MAP7D2: variants seen among roughly 807,000 people sequenced by gnomAD.
MAP7D2 encodes the protein MAP7 domain-containing protein 2.
Under a neutral mutation model 63.5 loss-of-function variants are expected in MAP7D2, and 33 were observed. The observed-to-expected ratio is 0.52, with a 90% CI of 0.39 to 0.70. The LOEUF (loss-of-function observed/expected upper bound fraction) is 0.70, where lower values mean the gene tolerates loss of function less well. Among genes scored for constraint, MAP7D2 ranks in the 30% least tolerant of loss-of-function variants. The pLI is 0.00. For synonymous variants in MAP7D2, 224 were observed against 223.7 expected, an observed-to-expected ratio of 1.00 and a Z score of -0.01; for missense variants, 626 against 604.0, an observed-to-expected ratio of 1.04 and a Z score of -0.38.
At chrX:20,081,640 G>A (rs1285354612) in intron 1 of MAP7D2, among the ~76,000 whole-genome samples, 2 of 109,539 alleles carry the variant, frequency 1.8e-5, no homozygotes, top group Admixed American at 9.8e-5. Context: ...CCATCTCACT[G>A]GGCATCAGAT....
At chrX:20,022,587 G>T (rs1053211950) in intron 10 of MAP7D2, among the ~76,000 whole-genome samples, 5 of 111,000 alleles carry the variant, frequency 4.5e-5, no homozygotes, top group African/African-American at 1.6e-4. Flanking sequence ...AGATGCCAAT[G>T]TGACAGCTGA....
intron 3 of MAP7D2, among the ~76,000 whole-genome samples, chrX:20,058,461 A>G (rs1004030933): frequency 3.6e-5 from 4 of 112,128 alleles, no homozygotes; most frequent in Admixed American, 9.4e-5. Context: ...TAGGGGACCA[A>G]TGAAAAGAAA....
chrX:20,034,130 C>T (rs1230225981), intron 8 of MAP7D2, among the ~76,000 whole-genome samples: 1 of 96,211 alleles, frequency 1.0e-5, no homozygotes, highest in Non-Finnish European at 2.0e-5. Context: ...GAGGCTGAGG[C>T]AGGAAAATTG....
chrX:20,018,440 CTT>C (rs757792186), intron 10 of MAP7D2, among the ~76,000 whole-genome samples: 41 of 77,386 alleles, frequency 5.3e-4, no homozygotes, highest in African/African-American at 1.4e-3. Flanking sequence ...AAATCTTGTC[CTT>C]TTTTTTTTTT....
At position 20,046,682 on chromosome X, in the gene MAP7D2, T is replaced by G. The variant is rs146886168; in HGVS notation, c.719-2158A>C. 6.7e-3 allele frequency among the ~76,000 whole-genome samples: 760 copies of G among 112,795 alleles called. 1 individual carries two copies. The highest frequency in any genetic ancestry group is 0.012 in the Non-Finnish European group (646 of 53,346). On this transcript the variant is annotated intron_variant, in intron 6 of 16. Coordinates refer to ENST00000379643, the MANE Select transcript of MAP7D2 (RefSeq NM_001168465.2). ...GGGCTCAGAGGTGATACAAACCTAC[T>G]TTAAAATGTTTCGAAAACTTAGGAT...
Position 20,022,914 on chromosome X carries a change from A to G in MAP7D2, c.1412+2037T>C, listed in dbSNP as rs138207085. Among the ~76,000 whole-genome samples, 169 of 112,132 alleles carry G rather than the reference A, an allele frequency of 1.5e-3. 1 individual carries two copies. The highest frequency in any genetic ancestry group is 5.1e-3 in the African/African-American group (158 of 30,889). ...GCTGCCCAATGTGGTGTGGATCCAC[A>G]TCTACTCAGATGCAGCTCTTGAGCA... On this transcript the variant is annotated intron_variant, in intron 10 of 16. Coordinates refer to ENST00000379643, the MANE Select transcript of MAP7D2 (RefSeq NM_001168465.2).
intron 5 of MAP7D2, 99 bp downstream of exon 5, chrX:20,052,779 G>T: frequency 1.5e-6 from 1 of 650,184 alleles, no homozygotes; most frequent in Non-Finnish European, 2.5e-6. Context: ...GACGGTATCT[G>T]CAGAAGGCTC....
In MAP7D2 at chrX:20,116,833, C is replaced by T; in HGVS notation, c.47G>A (p.Gly16Glu). ...TGGGAGAGAGGTTCCCCGCGCAGTC[C>T]CCTCAGGCCGGGATCCCGTCCCGGA... ...GGSGTGSRPE[G>E]TARGTSLPGK... Residue 16 changes from glycine (G) to glutamate (E), a missense_variant, in exon 1 of 17, where the codon GGG (glycine) becomes GAG (glutamate). Transcript: ENST00000379643. 1 of 1,173,494 alleles carries T rather than the reference C, an allele frequency of 8.5e-7. No homozygotes were observed. The highest frequency in any genetic ancestry group is 1.9e-5 in the South Asian group (1 of 52,037).
At position 20,025,092 on chromosome X, in the gene MAP7D2, G is replaced by C. The variant is rs1227391181; in HGVS notation, c.1280-9C>G. 8.4e-7 allele frequency: 1 copy of C among 1,195,706 alleles called. No homozygotes were observed. The highest frequency in any genetic ancestry group is 1.7e-5 in the African/African-American group (1 of 57,221). ...TGTGGGCTTCCCCAAGGCTGCACCAGAGGAGAGGCATCAAGAGGAAAAGAT... is the reference window on the plus strand; with the variant it reads ...TGTGGGCTTCCCCAAGGCTGCACCACAGGAGAGGCATCAAGAGGAAAAGAT... On this transcript the variant is annotated splice_polypyrimidine_tract_variant and intron_variant, in intron 9 of 16. Coordinates refer to ENST00000379643, the MANE Select transcript of MAP7D2 (RefSeq NM_001168465.2).
In MAP7D2 at chrX:20,066,169, G is replaced by A. The variant is rs751138450; in HGVS notation, c.131-1364C>T. Among the ~76,000 whole-genome samples the A allele has an allele frequency of 1.5e-3, 168 of 111,429 alleles. 1 individual carries two copies. The highest frequency in any genetic ancestry group is 5.1e-3 in the African/African-American group (155 of 30,692). On this transcript the variant is annotated intron_variant, in intron 1 of 16. Transcript: ENST00000379643. ...GATCTCCTGACCTCATGATCCACCC[G>A]CCTCGGCCTCCCAAAGAAGCACACC... is the stretch of plus-strand genomic sequence containing the variant.
intron 8 of MAP7D2, among the ~76,000 whole-genome samples, chrX:20,034,615 A>G (rs2074159975): frequency 9.0e-6 from 1 of 111,650 alleles, no homozygotes; most frequent in South Asian, 3.7e-4. Context: ...AAGAGACCCC[A>G]GAGAGCTCCC....
intron 10 of MAP7D2, among the ~76,000 whole-genome samples, chrX:20,022,320 C>T (rs948377379): frequency 8.1e-5 from 9 of 111,481 alleles, no homozygotes; most frequent in African/African-American, 1.3e-4. Context: ...GGTCAGTTCA[C>T]GGCAGGCCTT....
chrX:20,054,011 T>C (rs1256840391), intron 4 of MAP7D2, among the ~76,000 whole-genome samples: 1 of 111,342 alleles, frequency 9.0e-6, no homozygotes. Flanking sequence ...GCCCAGCTAA[T>C]TTTTGTATTT....
Position 20,013,054 on chromosome X carries a change from C to G in MAP7D2, c.1885G>C (p.Glu629Gln), listed in dbSNP as rs768753298. 1.7e-6 allele frequency: 2 copies of G among 1,204,871 alleles called. No homozygotes were observed. ...CCCAAGAACCAGATGTCACACTCAC[C>G]CATTTTGTTGGGGACAACCAGTTTT... ...KTKLVVPNKMEINGLNTCQEV... is the reference protein window; with the variant it reads ...KTKLVVPNKMQINGLNTCQEV... Residue 629 changes from glutamate to glutamine, a missense_variant and splice_region_variant, in exon 14 of 17, where the codon GAA becomes CAA. Transcript: ENST00000379643.
At chrX:20,095,254 C>T (rs1471975677) in intron 1 of MAP7D2, among the ~76,000 whole-genome samples, 1 of 111,666 alleles carries the variant, frequency 9.0e-6, no homozygotes. Flanking sequence ...CAATCAGGGC[C>T]AAGGCCACAC....
chrX:20,069,847 C>A (rs1308355728), intron 1 of MAP7D2, among the ~76,000 whole-genome samples: 1 of 107,165 alleles, frequency 9.3e-6, no homozygotes, highest in Non-Finnish European at 1.9e-5. Context: ...ACAATCAGCT[C>A]ACTGCAGCCT....
chrX:20,021,534 T>C (rs1050970607), intron 10 of MAP7D2: 1 of 111,568 alleles, frequency 9.0e-6, no homozygotes, highest in Admixed American at 9.5e-5. Context: ...CGTGGCACTA[T>C]GCAAAGCTTC....
At chrX:20,087,103 A>T (rs2065928747) in intron 1 of MAP7D2, among the ~76,000 whole-genome samples, 1 of 112,314 alleles carries the variant, frequency 8.9e-6, no homozygotes, top group African/African-American at 3.2e-5. Flanking sequence ...GGGGGGAGTG[A>T]CAGTTGCCTA....
At chrX:20,100,151 AGTG>A (rs2066389965) in intron 1 of MAP7D2, among the ~76,000 whole-genome samples, 1 of 112,171 alleles carries the variant, frequency 8.9e-6, no homozygotes, top group Non-Finnish European at 1.9e-5. Context: ...CTGCTCATGA[AGTG>A]GTGCTTAGTT....
Sources: allele counts gnomAD v4.1 joint callset (sites outside exome capture counted in the v4.1 genomes callset), GRCh38; gene constraint gnomAD v4.1.1; transcripts MANE v1.5; gene names NCBI Gene and HGNC (gene_info 2026-07-23, HGNC 2026-07-21).